ATXN1: variants seen among roughly 807,000 people sequenced by gnomAD.
ATXN1 encodes ataxin-1.
A neutral mutation model predicts 56.4 loss-of-function variants in ATXN1; 8 were observed. That is an observed-to-expected ratio of 0.14 (90% CI 0.08 to 0.26). The LOEUF is 0.26. Ranked by LOEUF, ATXN1 falls within the 10% of genes least tolerant of loss-of-function variation. ATXN1 has a pLI of 1.00. For missense variants in ATXN1, 987 were observed against 1,106.5 expected (o/e 0.89, Z 1.53); for synonymous variants, 514 against 494.6 (o/e 1.04, Z -0.52).
intron 6 of ATXN1, among the ~76,000 whole-genome samples, chr6:16,371,588 G>T (rs184377562): frequency 1.3e-5 from 2 of 152,148 alleles, no homozygotes; most frequent in Admixed American, 1.3e-4. Context: ...ACAGGGTCTT[G>T]CTCTGTTGCA....
At chr6:16,647,716 T>A (rs1003493135) in intron 3 of ATXN1, among the ~76,000 whole-genome samples, 6 of 152,244 alleles carry the variant, frequency 3.9e-5, no homozygotes, top group Non-Finnish European at 5.9e-5. Context: ...CATTTCACAA[T>A]ATATATGTAT....
intron 3 of ATXN1, among the ~76,000 whole-genome samples, chr6:16,601,649 G>A (rs896658380): frequency 3.9e-5 from 6 of 152,138 alleles, no homozygotes; most frequent in African/African-American, 1.2e-4. Context: ...AGGAGATCGA[G>A]ACCATCCTGG....
At chr6:16,470,436 T>C (rs537059499) in intron 6 of ATXN1, among the ~76,000 whole-genome samples, 1 of 152,316 alleles carries the variant, frequency 6.6e-6, no homozygotes, top group African/African-American at 2.4e-5. Flanking sequence ...TGTACAACTA[T>C]ACACTTAAAA....
intron 4 of ATXN1, among the ~76,000 whole-genome samples, chr6:16,567,932 A>G (rs995678003): frequency 6.6e-6 from 1 of 152,242 alleles, no homozygotes; most frequent in Non-Finnish European, 1.5e-5. Context: ...TATGTTAACT[A>G]AAGTATTTTC....
At chr6:16,531,601 A>G (rs1169995609) in intron 4 of ATXN1, among the ~76,000 whole-genome samples, 3 of 150,668 alleles carry the variant, frequency 2.0e-5, no homozygotes, top group East Asian at 4.0e-4. Flanking sequence ...CCAGCCTGGG[A>G]AACAAGAGCG....
At chr6:16,432,713 C>CTTCTT (rs1554146816) in intron 6 of ATXN1, 192 of 143,832 alleles carry the variant, frequency 1.3e-3, no homozygotes, top group African/African-American at 4.7e-3. Flanking sequence ...TCTTCTTCTT[C>CTTCTT]TTTTTTTTTT....
At chr6:16,517,308 A>C (rs566588339) in intron 5 of ATXN1, among the ~76,000 whole-genome samples, 7 of 152,348 alleles carry the variant, frequency 4.6e-5, no homozygotes, top group Admixed American at 3.3e-4. Flanking sequence ...GTAGCAGAGA[A>C]AAAAAGCTAT....
chr6:16,584,842 T>C (rs1762594414), intron 4 of ATXN1, among the ~76,000 whole-genome samples: 1 of 152,208 alleles, frequency 6.6e-6, no homozygotes, highest in Non-Finnish European at 1.5e-5. Context: ...ACTTGAAAAC[T>C]CTTACATTTA....
intron 6 of ATXN1, among the ~76,000 whole-genome samples, chr6:16,431,194 C>T (rs1241108853): frequency 6.6e-6 from 1 of 151,958 alleles, no homozygotes; most frequent in East Asian, 1.9e-4. Flanking sequence ...TCCAAGCATA[C>T]CAGGTTTTTA....
At chr6:16,595,675 G>A (rs1271873298) in intron 3 of ATXN1, among the ~76,000 whole-genome samples, 2 of 152,236 alleles carry the variant, frequency 1.3e-5, no homozygotes, top group Non-Finnish European at 2.9e-5. Context: ...TGAAAGGCAG[G>A]CAGTGAGGGG....
chr6:16,336,000 A>G (rs1005017770), intron 6 of ATXN1, among the ~76,000 whole-genome samples: 1 of 152,244 alleles, frequency 6.6e-6, no homozygotes, highest in Non-Finnish European at 1.5e-5. Flanking sequence ...TTAAGCCACG[A>G]TATGTTTTGG....
chr6:16,373,018 G>A (rs1008882227), intron 6 of ATXN1, among the ~76,000 whole-genome samples: 5 of 152,200 alleles, frequency 3.3e-5, no homozygotes, highest in African/African-American at 1.2e-4. Context: ...AAGTTTATGT[G>A]GTAGGAAGGG....
At chr6:16,350,405 G>A in intron 6 of ATXN1, among the ~76,000 whole-genome samples, 1 of 152,162 alleles carries the variant, frequency 6.6e-6, no homozygotes, top group East Asian at 1.9e-4. Context: ...ATTTCCACTT[G>A]GATGCTTACC....
intron 3 of ATXN1, among the ~76,000 whole-genome samples, chr6:16,590,020 G>T (rs1310007700): frequency 1.3e-5 from 2 of 151,936 alleles, no homozygotes; most frequent in African/African-American, 2.4e-5. Context: ...TACACATATC[G>T]CCATTCAAGT....
chr6:16,671,299 T>C (rs1170829050), intron 2 of ATXN1, among the ~76,000 whole-genome samples: 2 of 107,410 alleles, frequency 1.9e-5, no homozygotes, highest in African/African-American at 8.7e-5. Context: ...TTGGCACTTT[T>C]CTTTTCTTTC....
intron 5 of ATXN1, among the ~76,000 whole-genome samples, chr6:16,515,489 G>C (rs867579049): frequency 1.3e-5 from 2 of 152,120 alleles, no homozygotes; most frequent in South Asian, 2.1e-4. Flanking sequence ...CTGGGACTCA[G>C]TCCTCCTCGC....
At chr6:16,420,480 G>T (rs1759009708) in intron 6 of ATXN1, among the ~76,000 whole-genome samples, 1 of 152,218 alleles carries the variant, frequency 6.6e-6, no homozygotes. Flanking sequence ...GACTGTCTTA[G>T]AAGACTGAAG....
chr6:16,532,703 A>G (rs1390568038), intron 4 of ATXN1, among the ~76,000 whole-genome samples: 2 of 152,216 alleles, frequency 1.3e-5, no homozygotes, highest in Non-Finnish European at 2.9e-5. Context: ...CTGATTAACA[A>G]CAAAAAAAAC....
At chr6:16,634,832 G>C (rs1316189031) in intron 3 of ATXN1, among the ~76,000 whole-genome samples, 1 of 152,162 alleles carries the variant, frequency 6.6e-6, no homozygotes, top group Non-Finnish European at 1.5e-5. Context: ...TGAGTGCAGA[G>C]TGCTCAGCTC....
Sources: allele counts gnomAD v4.1 joint callset (sites outside exome capture counted in the v4.1 genomes callset), GRCh38; gene constraint gnomAD v4.1.1; transcripts MANE v1.5; gene names NCBI Gene and HGNC (gene_info 2026-07-23, HGNC 2026-07-21).